Variants in CD59 observed in about 807,000 individuals in gnomAD.
The protein encoded by CD59 is CD59 molecule (CD59 blood group).
CD59 carries 3 observed loss-of-function variants against 7.0 expected under a neutral mutation model. That is an observed-to-expected ratio of 0.43 (90% confidence interval 0.19 to 1.10). CD59 has a LOEUF of 1.10. CD59 is among the 50% of genes least tolerant of loss of function. CD59 has a pLI of 0.29. For synonymous variants in CD59, 60 were observed against 62.0 expected (o/e 0.97, Z 0.15); for missense variants, 143 against 151.0 (o/e 0.95, Z 0.28).
rs1442763712 is a variant in CD59, at chr11:33,707,436, G to A, written c.*2690C>T. 1 of 152,226 alleles carries A rather than the reference G, an allele frequency of 6.6e-6. No individual in the cohort carries two copies. The highest frequency in any genetic ancestry group is 2.1e-4 in the South Asian group (1 of 4,836). The allele number at this position is 152,226 out of a possible 1,614,324, so 9.4% of individuals were successfully genotyped here. ...CATTCAAGACCAAGTTTGGCAAATA[G>A]ATTAGCATCTTTCAGGAAATACCAT... On this transcript the variant is annotated 3_prime_UTR_variant, in exon 4 of 4. Transcript: ENST00000642928.
chr11:33,709,734 T>C lies in CD59; in HGVS notation c.*392A>G. ...TTCCATGTGAGAGAGGATGCTCATATACTCCTGCCCCACCCTCCAAAGATG... is the reference window on the plus strand; with the variant it reads ...TTCCATGTGAGAGAGGATGCTCATACACTCCTGCCCCACCCTCCAAAGATG... On this transcript the variant is annotated 3_prime_UTR_variant, in exon 4 of 4. Coordinates refer to ENST00000642928, the MANE Select transcript of CD59 (RefSeq NM_000611.6). The C allele has an allele frequency of 3.0e-6, 1 of 333,358 alleles. No individual in the cohort carries two copies. The highest frequency in any genetic ancestry group is 2.8e-5 in the South Asian group (1 of 35,566). 20.7% of individuals were successfully genotyped at this position (333,358 alleles called of 1,614,324 possible). A position where few individuals can be genotyped will look rare whatever the true frequency, so the allele number is the denominator to read the frequency against.
At position 33,709,200 on chromosome 11, in the gene CD59, C is replaced by T. The variant is rs1853436745; in HGVS notation, c.*926G>A. The T allele has an allele frequency of 6.6e-6, 1 of 152,178 alleles. No homozygotes were observed. The highest frequency in any genetic ancestry group is 1.5e-5 in the Non-Finnish European group (1 of 68,064). 9.4% of individuals were successfully genotyped at this position (152,178 alleles called of 1,614,324 possible). Reference sequence around the variant, plus strand: ...CTGGATGCAGATGGTAAAACATACCCCTGCAGATCTGTTGTTATTAAGGAT... The same window carrying T: ...CTGGATGCAGATGGTAAAACATACCTCTGCAGATCTGTTGTTATTAAGGAT... On this transcript the variant is annotated 3_prime_UTR_variant, in exon 4 of 4. Transcript: ENST00000642928.
At position 33,710,227 on chromosome 11, in the gene CD59, AG is replaced by A. The variant is rs1323755929; in HGVS notation, c.285del (p.Phe96LeufsTer21). ...TYYCCKKDLCNFNEQLENGGT... is the reference protein window; with the variant it reads ...TYYCCKKDLCXFNEQLENGGT... ...CCACCATTTTCAAGCTGTTCGTTAA[AG>A]TTACACAGGTCCTTCTTGCAGCAGT... On this transcript the variant is annotated frameshift_variant, in exon 4 of 4. Coordinates refer to ENST00000642928, the MANE Select transcript of CD59 (RefSeq NM_000611.6). LOFTEE classifies it low-confidence loss of function (END_TRUNC). The A allele has an allele frequency of 7.4e-6, 12 of 1,614,074 alleles. No individual in the cohort carries two copies. Among genetic ancestry groups the A allele is most frequent in the Non-Finnish European group, 1.0e-5 (12 of 1,180,018 alleles).
chr11:33,718,885 T>C (rs1853922684), intron 2 of CD59: 1 of 152,126 alleles, frequency 6.6e-6, no homozygotes, highest in South Asian at 2.1e-4. Context: ...GAAGCAAGAG[T>C]TGGAAGGAAA....
At chr11:33,710,412 A>C in intron 3 of CD59, 69 bp from the exon 4 acceptor site, 1 of 1,235,898 alleles carries the variant, frequency 8.1e-7, no homozygotes, top group South Asian at 1.2e-5. Flanking sequence ...TTGAATCCTC[A>C]ATTCTATTTC....
intron 3 of CD59, among the ~76,000 whole-genome samples, chr11:33,711,840 T>C (rs1853573020): frequency 6.6e-6 from 1 of 152,172 alleles, no homozygotes; most frequent in African/African-American, 2.4e-5. Context: ...ATGGCTAAGA[T>C]CAAGAAAATG....
At chr11:33,723,308 G>C (rs925973267) in intron 1 of CD59, among the ~76,000 whole-genome samples, 2 of 152,162 alleles carry the variant, frequency 1.3e-5, no homozygotes, top group South Asian at 4.1e-4. Flanking sequence ...GGAAGGGTGA[G>C]TCATCTACCC....
At position 33,722,466 on chromosome 11, in the gene CD59, G is replaced by A. The variant is rs1383501616; in HGVS notation, c.-18-3C>T. On this transcript the variant is annotated splice_region_variant and splice_polypyrimidine_tract_variant and intron_variant, in intron 1 of 3. Transcript: ENST00000642928. ...CCCATTGTGATTGTCCACAGAACCTGGAAGGAAGGGACAGGAAGGAATGTC... is the reference window on the plus strand; with the variant it reads ...CCCATTGTGATTGTCCACAGAACCTAGAAGGAAGGGACAGGAAGGAATGTC... The A allele has an allele frequency of 6.8e-6, 11 of 1,613,560 alleles. No individual in the cohort carries two copies. Among genetic ancestry groups the A allele is most frequent in the Non-Finnish European group, 9.3e-6 (11 of 1,179,754 alleles).
chr11:33,720,160 T>C (rs1254310905), intron 2 of CD59, among the ~76,000 whole-genome samples: 1 of 152,270 alleles, frequency 6.6e-6, no homozygotes, highest in Non-Finnish European at 1.5e-5. Flanking sequence ...ATCTATGTGC[T>C]AAGCTCTTCA....
At chr11:33,717,123 A>G (rs1426680859) in intron 3 of CD59, among the ~76,000 whole-genome samples, 2 of 152,252 alleles carry the variant, frequency 1.3e-5, no homozygotes, top group Non-Finnish European at 2.9e-5. Flanking sequence ...TTACTTAACC[A>G]TAATTTCTTG....
intron 2 of CD59, among the ~76,000 whole-genome samples, chr11:33,720,640 A>T (rs915343349): frequency 6.6e-6 from 1 of 152,238 alleles, no homozygotes; most frequent in Non-Finnish European, 1.5e-5. Context: ...GAGGCAGGAG[A>T]ATCGCTGGAA....
At chr11:33,716,330 T>C (rs1030249711) in intron 3 of CD59, among the ~76,000 whole-genome samples, 32 of 152,238 alleles carry the variant, frequency 2.1e-4, no homozygotes, top group African/African-American at 7.5e-4. Context: ...CAGGTTTTTC[T>C]GAACATGTGG....
At position 33,709,608 on chromosome 11, in the gene CD59, A is replaced by G. The variant is rs769451757; in HGVS notation, c.*518T>C. The G allele has an allele frequency of 1.1e-5, 2 of 183,426 alleles. No homozygotes were observed. Among genetic ancestry groups the G allele is most frequent in the African/African-American group, 2.4e-5 (1 of 42,162 alleles). 11.4% of individuals were successfully genotyped at this position (183,426 alleles called of 1,614,324 possible). On this transcript the variant is annotated 3_prime_UTR_variant, in exon 4 of 4. Coordinates refer to ENST00000642928, the MANE Select transcript of CD59 (RefSeq NM_000611.6). ...CCCACTTCCCTGCCAGAAGTCCTCTAGCTCTGCATTAAGGATCTTGTTGTC... is the reference window on the plus strand; with the variant it reads ...CCCACTTCCCTGCCAGAAGTCCTCTGGCTCTGCATTAAGGATCTTGTTGTC...
intron 1 of CD59, among the ~76,000 whole-genome samples, chr11:33,723,228 C>T (rs1854147032): frequency 6.6e-6 from 1 of 152,186 alleles, no homozygotes. Context: ...GGTGGCAGTG[C>T]CTGTAAACCA....
At chr11:33,723,817 G>T (rs1854169095) in intron 1 of CD59, among the ~76,000 whole-genome samples, 1 of 152,178 alleles carries the variant, frequency 6.6e-6, no homozygotes, top group Admixed American at 6.5e-5. Flanking sequence ...ACTGCTACAA[G>T]TGAGCAGGGA....
At chr11:33,713,265 C>T (rs181135037) in intron 3 of CD59, among the ~76,000 whole-genome samples, 139 of 152,176 alleles carry the variant, frequency 9.1e-4, no homozygotes, top group African/African-American at 3.3e-3. Flanking sequence ...GTGCTAGATA[C>T]TGGGGTATAA....
Position 33,710,318 on chromosome 11 carries a change from C to T in CD59, c.195G>A (p.Trp65Ter). 4.3e-6 allele frequency: 7 copies of T among 1,614,124 alleles called. No homozygotes were observed. Among genetic ancestry groups the T allele is most frequent in the Non-Finnish European group, 5.9e-6 (7 of 1,179,972 alleles). The change falls in exon 4 of 4, where the codon TGG (tryptophan) becomes TGA (stop). Residue 65 changes from tryptophan to a stop codon, truncating the protein, a stop_gained. Coordinates refer to ENST00000642928, the MANE Select transcript of CD59 (RefSeq NM_000611.6). LOFTEE classifies it low-confidence loss of function (END_TRUNC). Reference sequence around the variant, plus strand: ...CGTTGAAATTGCAATGCTCAAACTTCCAACACTTGTTATACACTTGTAACC... The same window carrying T: ...CGTTGAAATTGCAATGCTCAAACTTTCAACACTTGTTATACACTTGTAACC... ...KAGLQVYNKC[W>*]KFEHCNFNDV...
intron 3 of CD59, among the ~76,000 whole-genome samples, chr11:33,713,936 T>C (rs2133534698): frequency 6.6e-6 from 1 of 152,346 alleles, no homozygotes; most frequent in Non-Finnish European, 1.5e-5. Context: ...CTCAAGTCTA[T>C]CTAAAGTCAA....
At position 33,706,384 on chromosome 11, in the gene CD59, T is replaced by C. The variant is rs1031180613; in HGVS notation, c.*3742A>G. 3 of 152,080 alleles carry C rather than the reference T, an allele frequency of 2.0e-5. No individual in the cohort carries two copies. Among genetic ancestry groups the C allele is most frequent in the Non-Finnish European group, 2.9e-5 (2 of 68,008 alleles). The allele number at this position is 152,080 out of a possible 1,614,324, so 9.4% of individuals were successfully genotyped here. A position where few individuals can be genotyped will look rare whatever the true frequency, so the allele number is the denominator to read the frequency against. Reference sequence around the variant, plus strand: ...TCACTTATGTCCAAGTCAGTGGGGGTAAATGCATTGTGATTCACTGTAGGT... The same window carrying C: ...TCACTTATGTCCAAGTCAGTGGGGGCAAATGCATTGTGATTCACTGTAGGT... On this transcript the variant is annotated 3_prime_UTR_variant, in exon 4 of 4. Transcript: ENST00000642928.
Sources: allele counts gnomAD v4.1 joint callset (sites outside exome capture counted in the v4.1 genomes callset), GRCh38; gene constraint gnomAD v4.1.1; transcripts MANE v1.5; gene names NCBI Gene and HGNC (gene_info 2026-07-23, HGNC 2026-07-21).